RBM39: variants seen among roughly 807,000 people sequenced by gnomAD.
RBM39 encodes the protein RNA-binding protein 39.
Under a neutral mutation model 79.6 loss-of-function variants are expected in RBM39, and 12 were observed. The ratio of observed to expected loss-of-function variants is 0.15; its 90% confidence interval spans 0.10 to 0.24. RBM39 has a LOEUF of 0.24. Ranked by LOEUF, RBM39 falls within the 10% of genes least tolerant of loss-of-function variation. RBM39 has a pLI of 1.00. For missense variants in RBM39, 243 were observed against 653.4 expected (o/e 0.37, Z 6.85); for synonymous variants, 185 against 208.4 (o/e 0.89, Z 0.97).
intron 13 of RBM39, 66 bp from the exon 14 acceptor site, chr20:35,707,267 T>G: frequency 8.3e-7 from 1 of 1,205,862 alleles, no homozygotes; most frequent in South Asian, 1.4e-5. Flanking sequence ...ATAAATACTT[T>G]AAAACGAAAC....
At chr20:35,714,502 T>C in intron 10 of RBM39, 113 bp from the exon 11 acceptor site, 6 of 1,358,202 alleles carry the variant, frequency 4.4e-6, no homozygotes, top group Non-Finnish European at 5.8e-6. Flanking sequence ...TTCTGAATAC[T>C]AAGGTAGAAA....
At chr20:35,722,990 T>C (rs1044822674) in intron 8 of RBM39, among the ~76,000 whole-genome samples, 3 of 151,154 alleles carry the variant, frequency 2.0e-5, no homozygotes, top group Admixed American at 6.6e-5. Flanking sequence ...AAATGAATCA[T>C]GAACCTACAT....
intron 12 of RBM39, among the ~76,000 whole-genome samples, chr20:35,710,903 G>GT (rs2036314157): frequency 6.6e-6 from 1 of 152,122 alleles, no homozygotes; most frequent in Admixed American, 6.5e-5. Context: ...TAGATAAAGG[G>GT]TAGGGACACT....
rs1480332083 is a variant in RBM39 at position 35,702,599 on chromosome 20, T to C, written c.*1882A>G. The stretch of plus-strand genomic sequence containing the variant: ...TTGGAAAAAGAGCACACTGACAGAG[T>C]GTCTCTGCCCCAAAGAACTCTGCAG... On this transcript the variant is annotated 3_prime_UTR_variant, in exon 17 of 17. Transcript: ENST00000253363. 2.0e-5 allele frequency: 3 copies of C among 152,198 alleles called. No homozygotes were observed. Among genetic ancestry groups the C allele is most frequent in the African/African-American group, 7.2e-5 (3 of 41,442 alleles). The allele number at this position is 152,198 out of a possible 1,614,324, so 9.4% of individuals were successfully genotyped here.
chr20:35,721,065 C>T (rs780690010), intron 9 of RBM39, among the ~76,000 whole-genome samples: 7 of 152,018 alleles, frequency 4.6e-5, no homozygotes, highest in Admixed American at 2.6e-4. Flanking sequence ...CTCGGCCTCC[C>T]GAGTAGCTGG....
At chr20:35,735,084 G>A (rs1268053008) in intron 3 of RBM39, 3 of 1,546,768 alleles carry the variant, frequency 1.9e-6, no homozygotes, top group Admixed American at 2.3e-5. Context: ...AAAGTATTCT[G>A]GAAAATAAGA....
At chr20:35,725,414 G>C (rs1458821815) in intron 6 of RBM39, among the ~76,000 whole-genome samples, 1 of 152,000 alleles carries the variant, frequency 6.6e-6, no homozygotes, top group African/African-American at 2.4e-5. Flanking sequence ...TGCACAAGTT[G>C]GTCTTGAACT....
intron 2 of RBM39, 101 bp from the exon 3 acceptor site, chr20:35,739,118 T>TA: frequency 1.0e-6 from 1 of 977,010 alleles, no homozygotes; most frequent in Non-Finnish European, 1.6e-6. Context: ...AAAACAATTT[T>TA]AAAACTAATT....
chr20:35,703,060 A>G lies in RBM39; in HGVS notation c.*1421T>C, dbSNP rs1298568322. 6.6e-6 allele frequency: 1 copy of G among 152,220 alleles called. No homozygotes were observed. The highest frequency in any genetic ancestry group is 1.5e-5 in the Non-Finnish European group (1 of 68,036). The allele number at this position is 152,220 out of a possible 1,614,324, so 9.4% of individuals were successfully genotyped here. On this transcript the variant is annotated 3_prime_UTR_variant, in exon 17 of 17. Transcript: ENST00000253363. The stretch of plus-strand genomic sequence containing the variant: ...CAATGCTAACAAAAAAAAAAGTTGA[A>G]CAAATGAGGTAAGGAACTCAGTATT...
At chr20:35,737,767 T>G (rs915091712) in intron 3 of RBM39, among the ~76,000 whole-genome samples, 14 of 139,438 alleles carry the variant, frequency 1.0e-4, no homozygotes, top group Non-Finnish European at 1.7e-4. Flanking sequence ...GAGAATAGCA[T>G]GAACCCAGGA....
At chr20:35,732,786 T>C (rs1004117610) in intron 3 of RBM39, 2 of 152,268 alleles carry the variant, frequency 1.3e-5, no homozygotes, top group African/African-American at 2.4e-5. Flanking sequence ...AAAGCATTAC[T>C]GTAATCCACA....
chr20:35,713,157 G>A, intron 11 of RBM39, 61 bp from the exon 12 acceptor site: 1 of 1,401,716 alleles, frequency 7.1e-7, no homozygotes, highest in Non-Finnish European at 9.9e-7. Flanking sequence ...AAGTTTCCTG[G>A]GTCATTAATA....
intron 3 of RBM39, among the ~76,000 whole-genome samples, chr20:35,738,648 G>GT (rs1438780461): frequency 6.6e-6 from 1 of 152,154 alleles, no homozygotes; most frequent in Non-Finnish European, 1.5e-5. Context: ...ATATATAACA[G>GT]TTTTATCAGT....
intron 12 of RBM39, among the ~76,000 whole-genome samples, chr20:35,709,689 T>C (rs1423810301): frequency 6.6e-6 from 1 of 152,214 alleles, no homozygotes; most frequent in Admixed American, 6.5e-5. Flanking sequence ...TAAAAGGATA[T>C]TATAAAATTG....
chr20:35,720,659 T>C (rs551280664), intron 9 of RBM39, among the ~76,000 whole-genome samples: 1 of 150,536 alleles, frequency 6.6e-6, no homozygotes, highest in South Asian at 2.1e-4. Context: ...TAAACCCAAC[T>C]ACTCGGAAGG....
At chr20:35,719,256 T>C (rs2037582771) in intron 9 of RBM39, among the ~76,000 whole-genome samples, 1 of 151,294 alleles carries the variant, frequency 6.6e-6, no homozygotes, top group South Asian at 2.1e-4. Context: ...GGTCTCGAAC[T>C]CCTCACCTCA....
intron 2 of RBM39, chr20:35,740,475 T>G: frequency 8.8e-7 from 1 of 1,139,792 alleles, no homozygotes; most frequent in Non-Finnish European, 1.2e-6. Context: ...CTTAGTTGAG[T>G]CATTTTACCT....
At chr20:35,705,163 T>C in intron 15 of RBM39, 62 bp downstream of exon 15, 3 of 944,120 alleles carry the variant, frequency 3.2e-6, no homozygotes, top group Non-Finnish European at 4.9e-6. Context: ...CACCACATAA[T>C]GTGCGAAGAT....
chr20:35,707,096 T>C (rs773545634), intron 14 of RBM39, 24 bp downstream of exon 14: 41 of 1,215,184 alleles, frequency 3.4e-5, no homozygotes, highest in Non-Finnish European at 4.4e-5. Context: ...ATAGGAAATA[T>C]CAAGAATAAA....
Sources: allele counts gnomAD v4.1 joint callset (sites outside exome capture counted in the v4.1 genomes callset), GRCh38; gene constraint gnomAD v4.1.1; transcripts MANE v1.5; gene names NCBI Gene and HGNC (gene_info 2026-07-23, HGNC 2026-07-21).